XKR9: variants seen among roughly 807,000 people sequenced by gnomAD.
The protein encoded by XKR9 is XK-related protein 9.
Under a neutral mutation model 32.0 loss-of-function variants are expected in XKR9, and 32 were observed. That is an observed-to-expected ratio of 1.00 (90% confidence interval 0.76 to 1.34). The LOEUF (loss-of-function observed/expected upper bound fraction) is 1.34, where lower values mean the gene tolerates loss of function less well. Ranked by LOEUF, XKR9 falls within the 40% of genes most tolerant of loss-of-function variation. The pLI, the probability that XKR9 is intolerant of heterozygous loss-of-function variation, is 0.00. For missense variants in XKR9, 546 were observed against 429.7 expected, an observed-to-expected ratio of 1.27 and a Z score of -2.39; for synonymous variants, 168 against 143.4, an observed-to-expected ratio of 1.17 and a Z score of -1.22.
chr8:70,920,471 AT>A, the XKR9 span, among the ~76,000 whole-genome samples: 1 of 150,214 alleles, frequency 6.7e-6, no homozygotes, highest in Non-Finnish European at 1.5e-5. Context: ...ATTGAAAAAA[AT>A]ATTTTTTGAT....
chr8:70,747,011 A>G (rs1807067751), intron 2 of XKR9, among the ~76,000 whole-genome samples: 1 of 152,124 alleles, frequency 6.6e-6, no homozygotes, highest in Non-Finnish European at 1.5e-5. Flanking sequence ...AAGTGAGAAC[A>G]TGTGGTTTTC....
chr8:70,760,207 G>C (rs1014885605), intron 2 of XKR9, among the ~76,000 whole-genome samples: 1 of 151,914 alleles, frequency 6.6e-6, no homozygotes, highest in Non-Finnish European at 1.5e-5. Flanking sequence ...CAGTTTACTC[G>C]TAAGTAAGAA....
At chr8:71,043,432 T>C in the XKR9 span, among the ~76,000 whole-genome samples, 1 of 152,240 alleles carries the variant, frequency 6.6e-6, no homozygotes, top group Non-Finnish European at 1.5e-5. Context: ...TTGTAAAACA[T>C]GCATACCCAT....
At chr8:71,050,545 G>A in the XKR9 span, among the ~76,000 whole-genome samples, 1 of 152,092 alleles carries the variant, frequency 6.6e-6, no homozygotes, top group Non-Finnish European at 1.5e-5. Flanking sequence ...GGAGCTTGGA[G>A]TAAGGTGGAG....
At chr8:70,968,110 A>T in the XKR9 span, among the ~76,000 whole-genome samples, 1 of 152,128 alleles carries the variant, frequency 6.6e-6, no homozygotes, top group East Asian at 1.9e-4. Flanking sequence ...ATAATCCCAT[A>T]TGTCTTGGAA....
intron 4 of XKR9, among the ~76,000 whole-genome samples, chr8:70,708,184 A>C (rs1805786683): frequency 6.6e-6 from 1 of 152,008 alleles, no homozygotes; most frequent in South Asian, 2.1e-4. Flanking sequence ...TGTGATGCAA[A>C]TAATTCATGG....
chr8:70,881,593 G>A, the XKR9 span, among the ~76,000 whole-genome samples: 4 of 152,170 alleles, frequency 2.6e-5, no homozygotes, highest in Non-Finnish European at 4.4e-5. Flanking sequence ...TAGAATGGCA[G>A]TCATTAAAAA....
chr8:70,713,148 A>G (rs1805975995), intron 4 of XKR9, among the ~76,000 whole-genome samples: 1 of 152,196 alleles, frequency 6.6e-6, no homozygotes, highest in South Asian at 2.1e-4. Flanking sequence ...AAAATTCAGG[A>G]ATTGAAAGGA....
chr8:70,685,158 C>T lies in XKR9; in HGVS notation c.272+3828C>T, dbSNP rs1044993808. On this transcript the variant is annotated intron_variant, in intron 3 of 4. Coordinates refer to ENST00000408926, the MANE Select transcript of XKR9 (RefSeq NM_001011720.2). Reference sequence around the variant, plus strand: ...GGCACATATACACCATGGAATACTACGCAGCCATAAAAAATGAAGAGTTCA... The same window carrying T: ...GGCACATATACACCATGGAATACTATGCAGCCATAAAAAATGAAGAGTTCA... 5.7e-3 allele frequency among the ~76,000 whole-genome samples: 865 copies of T among 150,832 alleles called. 5 individuals are homozygous for T. Among genetic ancestry groups the T allele is most frequent in the Non-Finnish European group, 7.5e-3 (508 of 67,724 alleles).
the XKR9 span, among the ~76,000 whole-genome samples, chr8:70,874,896 A>G: frequency 1.3e-5 from 2 of 152,100 alleles, no homozygotes; most frequent in African/African-American, 2.4e-5. Context: ...TTTTTTCCCA[A>G]TAGTTCCAAT....
At chr8:70,874,885 C>CT in the XKR9 span, among the ~76,000 whole-genome samples, 2 of 152,202 alleles carry the variant, frequency 1.3e-5, no homozygotes, top group East Asian at 3.9e-4. Flanking sequence ...AAGAGCATGC[C>CT]TTTTTTCCCA....
chr8:70,898,463 T>C, the XKR9 span, among the ~76,000 whole-genome samples: 15 of 152,212 alleles, frequency 9.9e-5, no homozygotes, highest in African/African-American at 2.7e-4. Flanking sequence ...CGAATGTCTT[T>C]GGTATTTTGA....
the XKR9 span, among the ~76,000 whole-genome samples, chr8:70,964,762 G>T: frequency 6.6e-6 from 1 of 152,050 alleles, no homozygotes; most frequent in Admixed American, 6.6e-5. Flanking sequence ...CCTGTTTTTG[G>T]TGTAGAGGGA....
chr8:71,017,228 A>G, the XKR9 span, among the ~76,000 whole-genome samples: 1 of 152,238 alleles, frequency 6.6e-6, no homozygotes, highest in African/African-American at 2.4e-5. Context: ...GGGGTAGGCA[A>G]CAATGGGGAT....
At chr8:70,931,583 A>T in the XKR9 span, among the ~76,000 whole-genome samples, 1 of 152,226 alleles carries the variant, frequency 6.6e-6, no homozygotes, top group Admixed American at 6.5e-5. Context: ...ATAAAGAAAT[A>T]CTTGAGGCTG....
rs1806829359 is a variant in XKR9, at chr8:70,735,325, T to C, written c.*901T>C. On this transcript the variant is annotated 3_prime_UTR_variant, in exon 5 of 5. Transcript: ENST00000408926. ...TTTCTATGAGTTTGAATACTTTAGA[T>C]ACCTTGTTGCCATGGTTTGAATGTG... The C allele has an allele frequency of 6.6e-6, 1 of 152,018 alleles. No individual in the cohort carries two copies. The highest frequency in any genetic ancestry group is 6.6e-5 in the Admixed American group (1 of 15,250). The allele number at this position is 152,018 out of a possible 1,614,324, so 9.4% of individuals were successfully genotyped here.
At chr8:70,920,464 GA>G in the XKR9 span, among the ~76,000 whole-genome samples, 153 of 150,610 alleles carry the variant, frequency 1.0e-3, no homozygotes, top group Middle Eastern at 3.4e-3. Flanking sequence ...AATAGTAATT[GA>G]AAAAAATATT....
chr8:70,812,586 T>A, the XKR9 span, among the ~76,000 whole-genome samples: 1 of 152,148 alleles, frequency 6.6e-6, no homozygotes, highest in Non-Finnish European at 1.5e-5. Flanking sequence ...TAAGCAACTT[T>A]GGCAAAGTCT....
the XKR9 span, among the ~76,000 whole-genome samples, chr8:70,899,001 C>T: frequency 2.6e-5 from 4 of 152,178 alleles, no homozygotes; most frequent in South Asian, 8.3e-4. Context: ...GCAGCCTTGA[C>T]TTCCCAGGCT....
Sources: allele counts gnomAD v4.1 joint callset (sites outside exome capture counted in the v4.1 genomes callset), GRCh38; gene constraint gnomAD v4.1.1; transcripts MANE v1.5; gene names NCBI Gene and HGNC (gene_info 2026-07-23, HGNC 2026-07-21).